The following TLK1 variants were observed in gnomAD, a reference collection of about 807,000 sequenced individuals.
TLK1 encodes the protein serine/threonine-protein kinase tousled-like 1.
In TLK1, 24 loss-of-function variants were observed where a neutral mutation model predicts 105.3. The ratio of observed to expected loss-of-function variants is 0.23; its 90% confidence interval spans 0.17 to 0.32. The LOEUF (loss-of-function observed/expected upper bound fraction) is 0.32. Among genes scored for constraint, TLK1 ranks in the 10% least tolerant of loss-of-function variants. The pLI is 1.00. For missense variants in TLK1, 558 were observed against 910.5 expected, an observed-to-expected ratio of 0.61 and a Z score of 4.98; for synonymous variants, 321 against 310.4, an observed-to-expected ratio of 1.03 and a Z score of -0.36.
rs929684023 is a variant in TLK1 at position 170,991,323 on chromosome 2, T to G, written c.*2457A>C. 8 of 152,118 alleles carry G rather than the reference T, an allele frequency of 5.3e-5. No homozygotes were observed. Among genetic ancestry groups the G allele is most frequent in the African/African-American group, 9.7e-5 (4 of 41,426 alleles). 9.4% of individuals were successfully genotyped at this position (152,118 alleles called of 1,614,324 possible). On this transcript the variant is annotated 3_prime_UTR_variant, in exon 21 of 21. Transcript: ENST00000431350. ...AAAACAGTGTCAAAGACTGTCAGAG[T>G]GACCTTGAAATCATTTAGCAATAGA...
At position 171,081,768 on chromosome 2, in the gene TLK1, G is replaced by A. The variant is rs569490493; in HGVS notation, c.330+1013C>T. 7 of 1,209,962 alleles carry A rather than the reference G, an allele frequency of 5.8e-6. No individual in the cohort carries two copies. The African/African-American group carries it at 8.2e-5, about 14-fold the overall frequency. 75.0% of individuals were successfully genotyped at this position (1,209,962 alleles called of 1,614,324 possible). On this transcript the variant is annotated intron_variant, in intron 3 of 20. Transcript: ENST00000431350. Reference sequence around the variant, plus strand: ...ATGCCATACTCCTTTGTAGTGTCAGGGTGCCTGCACAGAACTGCACGAAAC... The same window carrying A: ...ATGCCATACTCCTTTGTAGTGTCAGAGTGCCTGCACAGAACTGCACGAAAC...
intron 1 of TLK1, among the ~76,000 whole-genome samples, chr2:171,179,526 T>C (rs1318534458): frequency 2.0e-5 from 3 of 152,232 alleles, no homozygotes; most frequent in Non-Finnish European, 4.4e-5. Flanking sequence ...GCTCCTTATA[T>C]TCCTTTTATG....
At chr2:171,160,911 G>T (rs1001619649), upstream of TLK1, 2 of 256,948 alleles carry the variant, frequency 7.8e-6, no homozygotes, top group Non-Finnish European at 7.2e-6. The surrounding 1 kb of genome is among the most constrained non-coding windows in gnomAD (Gnocchi z 4.4). Context: ...ACAGGCGGCG[G>T]CGGCGTCACG....
intron 2 of TLK1, among the ~76,000 whole-genome samples, chr2:171,104,067 G>A (rs1689810668): frequency 2.0e-5 from 3 of 152,290 alleles, no homozygotes; most frequent in African/African-American, 7.2e-5. Flanking sequence ...CTTGAGGCCA[G>A]GAGTTTGAGA....
intron 1 of TLK1, among the ~76,000 whole-genome samples, chr2:171,168,593 T>A (rs2105300831): frequency 6.6e-6 from 1 of 151,992 alleles, no homozygotes; most frequent in South Asian, 2.1e-4. Context: ...AATCACTGAA[T>A]CATAAAAAGA....
intron 1 of TLK1, among the ~76,000 whole-genome samples, chr2:171,158,849 C>G (rs1430255089): frequency 6.6e-6 from 1 of 152,174 alleles, no homozygotes; most frequent in Non-Finnish European, 1.5e-5. Flanking sequence ...TATATTCTAA[C>G]AATGAAAGCT....
At chr2:171,147,086 G>A (rs996509715) in intron 1 of TLK1, among the ~76,000 whole-genome samples, 1 of 152,110 alleles carries the variant, frequency 6.6e-6, no homozygotes, top group Non-Finnish European at 1.5e-5. Flanking sequence ...TAACCCACAA[G>A]GTGTTCTTCA....
chr2:171,061,358 A>C (rs1687738627), intron 3 of TLK1, among the ~76,000 whole-genome samples: 1 of 152,224 alleles, frequency 6.6e-6, no homozygotes, highest in Non-Finnish European at 1.5e-5. Context: ...AGTAGAGAAG[A>C]CCTTGTACAT....
At chr2:171,135,326 T>C (rs1044989491) in intron 1 of TLK1, among the ~76,000 whole-genome samples, 4 of 57,466 alleles carry the variant, frequency 7.0e-5, no homozygotes, top group Non-Finnish European at 1.4e-4. Context: ...TGTGTATATA[T>C]ATATATATAT....
At chr2:171,050,790 T>G (rs1441621530) in intron 8 of TLK1, among the ~76,000 whole-genome samples, 5 of 152,174 alleles carry the variant, frequency 3.3e-5, no homozygotes, top group African/African-American at 1.2e-4. Context: ...ATGAGTCTGA[T>G]TAGTACAGTG....
intron 2 of TLK1, among the ~76,000 whole-genome samples, chr2:171,112,065 C>G (rs1055190393): frequency 1.3e-5 from 2 of 152,140 alleles, no homozygotes; most frequent in African/African-American, 4.8e-5. Flanking sequence ...AATTCTCCTG[C>G]CTCAGCCTCC....
intron 11 of TLK1, among the ~76,000 whole-genome samples, chr2:171,042,269 G>A (rs951757678): frequency 2.0e-5 from 3 of 151,958 alleles, no homozygotes; most frequent in Non-Finnish European, 2.9e-5. Context: ...TTCCCTTTGA[G>A]GCCGGGTCTC....
chr2:171,188,863 A>G (rs954014468), intron 1 of TLK1, among the ~76,000 whole-genome samples: 1 of 151,196 alleles, frequency 6.6e-6, no homozygotes, highest in African/African-American at 2.4e-5. Flanking sequence ...CGACAAAGCA[A>G]GATTCTGTCT....
In TLK1 at chr2:170,990,935, G is replaced by T. The variant is rs1453468893; in HGVS notation, c.*2845C>A. 1 of 151,934 alleles carries T rather than the reference G, an allele frequency of 6.6e-6. No homozygotes were observed. The highest frequency in any genetic ancestry group is 2.4e-5 in the African/African-American group (1 of 41,342). 9.4% of individuals were successfully genotyped at this position (151,934 alleles called of 1,614,324 possible). A position where few individuals can be genotyped will look rare whatever the true frequency, so the allele number is the denominator to read the frequency against. On this transcript the variant is annotated 3_prime_UTR_variant, in exon 21 of 21. Coordinates refer to ENST00000431350, the MANE Select transcript of TLK1 (RefSeq NM_012290.5). ...CACCATTTTGACTTCATGTAATGAG[G>T]TGTTTGTTCACATTTTATATGCCAT...
chr2:171,056,020 T>A (rs1460969889), intron 6 of TLK1, among the ~76,000 whole-genome samples: 1 of 152,030 alleles, frequency 6.6e-6, no homozygotes, highest in African/African-American at 2.4e-5. Flanking sequence ...TTTAAGATAA[T>A]TTTAAGTCCA....
chr2:171,162,171 T>G (rs1169197531), upstream of TLK1, among the ~76,000 whole-genome samples: 2 of 152,248 alleles, frequency 1.3e-5, no homozygotes, highest in Non-Finnish European at 2.9e-5. Context: ...TGTCTGCTTT[T>G]CAAACTTAAG....
chr2:171,143,996 T>C (rs1691693926), intron 1 of TLK1, among the ~76,000 whole-genome samples: 1 of 152,064 alleles, frequency 6.6e-6, no homozygotes, highest in Non-Finnish European at 1.5e-5. Context: ...TAAGAGTAAA[T>C]GGATGGGAAA....
chr2:171,132,517 T>C (rs776546830), intron 1 of TLK1, among the ~76,000 whole-genome samples: 2 of 152,240 alleles, frequency 1.3e-5, no homozygotes, highest in Non-Finnish European at 2.9e-5. Flanking sequence ...ATATTAATGT[T>C]AGTACTCTAA....
In TLK1 at chr2:171,153,304, A is replaced by G. The variant is rs112291570; in HGVS notation, c.139+6986T>C. 3.6e-3 allele frequency among the ~76,000 whole-genome samples: 555 copies of G among 152,368 alleles called. 6 individuals carry two copies. Among genetic ancestry groups the G allele is most frequent in the African/African-American group, 0.012 (505 of 41,584 alleles). On this transcript the variant is annotated intron_variant, in intron 1 of 20. Transcript: ENST00000431350. ...TGTATGTAACTCAGAGTTATGAGAT[A>G]TAAGAATTAACATGTGCGAACACAA...
Sources: gnomAD v4.1 joint callset for allele counts (sites outside exome capture counted in the v4.1 genomes callset) on GRCh38, gnomAD v4.1.1 for gene constraint, Gnocchi (gnomAD v3.1) non-coding constraint, MANE v1.5 for transcripts, NCBI Gene and HGNC (gene_info 2026-07-23, HGNC 2026-07-21) for gene names.